Variants in TAFA1 observed in about 807,000 individuals in gnomAD.
TAFA1 encodes TAFA chemokine like family member 1.
TAFA1 carries 4 observed loss-of-function variants against 18.5 expected under a neutral mutation model. The ratio of observed to expected loss-of-function variants is 0.22; its 90% CI spans 0.11 to 0.49. The LOEUF (loss-of-function observed/expected upper bound fraction) is 0.49. Among genes scored for constraint, TAFA1 ranks in the 20% least tolerant of loss-of-function variants. TAFA1 has a pLI of 0.98. For synonymous variants in TAFA1, 56 were observed against 55.2 expected, an observed-to-expected ratio of 1.01 and a Z score of -0.06; for missense variants, 147 against 169.0, an observed-to-expected ratio of 0.87 and a Z score of 0.72.
chr3:68,033,767 A>G (rs569812828), intron 2 of TAFA1, among the ~76,000 whole-genome samples: 61 of 152,326 alleles, frequency 4.0e-4, no homozygotes, highest in South Asian at 2.7e-3. Context: ...CCATCAAAAA[A>G]TCCTTATTAG....
chr3:68,457,945 G>C (rs992002904), intron 3 of TAFA1, among the ~76,000 whole-genome samples: 1 of 152,090 alleles, frequency 6.6e-6, no homozygotes, highest in Non-Finnish European at 1.5e-5. Context: ...GAAATACTTT[G>C]AAATAGTTTA....
At chr3:68,355,280 G>T (rs1195558878) in intron 2 of TAFA1, among the ~76,000 whole-genome samples, 1 of 151,856 alleles carries the variant, frequency 6.6e-6, no homozygotes, top group Admixed American at 6.6e-5. Context: ...GTCTGGGCTT[G>T]GGAAGCCAGG....
At chr3:68,199,098 G>C (rs1212749689) in intron 2 of TAFA1, among the ~76,000 whole-genome samples, 1 of 151,498 alleles carries the variant, frequency 6.6e-6, no homozygotes, top group Non-Finnish European at 1.5e-5. Context: ...TAAATGTCCA[G>C]TTGTTTCAAT....
At chr3:68,283,406 G>A (rs937852220) in intron 2 of TAFA1, among the ~76,000 whole-genome samples, 1 of 152,074 alleles carries the variant, frequency 6.6e-6, no homozygotes, top group Non-Finnish European at 1.5e-5. Context: ...CCTAGTTTGA[G>A]GGCAATTAAA....
At chr3:68,416,749 C>G (rs17047654) in intron 2 of TAFA1, among the ~76,000 whole-genome samples, 11,307 of 152,224 alleles carry the variant, frequency 0.074, 952 homozygotes, top group African/African-American at 0.2. Flanking sequence ...GCAATTCTTT[C>G]TTTCATTTGC....
chr3:68,127,359 C>A (rs552776265), intron 2 of TAFA1, among the ~76,000 whole-genome samples: 1 of 152,272 alleles, frequency 6.6e-6, no homozygotes, highest in East Asian at 1.9e-4. Context: ...CTAAAGTGAA[C>A]AGCACTAATG....
chr3:68,002,788 G>A (rs113890325), upstream of TAFA1, among the ~76,000 whole-genome samples: 10 of 152,114 alleles, frequency 6.6e-5, no homozygotes, highest in African/African-American at 2.2e-4. Flanking sequence ...CCTTGTGCAC[G>A]TTCTTTAATC....
At chr3:68,241,357 G>T (rs910635970) in intron 2 of TAFA1, among the ~76,000 whole-genome samples, 2 of 152,076 alleles carry the variant, frequency 1.3e-5, no homozygotes, top group East Asian at 3.8e-4. Context: ...CCTGAGATTA[G>T]CCCAATTACC....
chr3:68,033,568 T>C (rs1704981971), intron 2 of TAFA1, among the ~76,000 whole-genome samples: 1 of 152,234 alleles, frequency 6.6e-6, no homozygotes, highest in Non-Finnish European at 1.5e-5. Flanking sequence ...GAGAGCATTG[T>C]ACTTTTATAT....
chr3:68,496,334 T>A (rs1849228), intron 3 of TAFA1, among the ~76,000 whole-genome samples: 30,904 of 152,066 alleles, frequency 0.2, 3,274 homozygotes, highest in Middle Eastern at 0.24. Flanking sequence ...CAATAAAATG[T>A]TAGAGAAGTC....
At chr3:68,143,914 C>A (rs2065702248) in intron 2 of TAFA1, among the ~76,000 whole-genome samples, 1 of 152,102 alleles carries the variant, frequency 6.6e-6, no homozygotes, top group Non-Finnish European at 1.5e-5. Context: ...CCCGTGGACC[C>A]TCATGACTGT....
chr3:68,188,299 C>T, intron 2 of TAFA1, among the ~76,000 whole-genome samples: 1 of 151,782 alleles, frequency 6.6e-6, no homozygotes, highest in South Asian at 2.1e-4. Context: ...TCCACCACAT[C>T]ACTTGCTAAG....
chr3:67,999,679 A>G (rs1328525256), upstream of TAFA1, among the ~76,000 whole-genome samples: 1 of 152,116 alleles, frequency 6.6e-6, no homozygotes, highest in African/African-American at 2.4e-5. Context: ...AAAAATTCCA[A>G]CACAAATTTA....
At position 68,389,589 on chromosome 3, in the gene TAFA1, C is replaced by G. The variant is rs187098033; in HGVS notation, c.119-27691C>G. ...CCCGGGCAAGATGGCCAAATAGGAA[C>G]AGCTCCGGTCTGCAGTTCCCAGCAA... On this transcript the variant is annotated intron_variant, in intron 2 of 4. Coordinates refer to ENST00000478136, the MANE Select transcript of TAFA1 (RefSeq NM_213609.4). Among the ~76,000 whole-genome samples, 384 of 152,214 alleles carry G rather than the reference C, an allele frequency of 2.5e-3. 2 individuals are homozygous for G. Among genetic ancestry groups the G allele is most frequent in the Non-Finnish European group, 4.6e-3 (312 of 68,000 alleles).
chr3:68,100,185 G>T (rs2065132197), intron 2 of TAFA1, among the ~76,000 whole-genome samples: 1 of 152,034 alleles, frequency 6.6e-6, no homozygotes, highest in South Asian at 2.1e-4. Context: ...AAACCCAAAA[G>T]CTATAAACAT....
intron 2 of TAFA1, among the ~76,000 whole-genome samples, chr3:68,252,853 A>G (rs2067223576): frequency 6.6e-6 from 1 of 152,154 alleles, no homozygotes; most frequent in African/African-American, 2.4e-5. Flanking sequence ...AGTTGCAGGT[A>G]ATTGAATCAT....
chr3:68,004,877 G>A (rs558757510), intron 1 of TAFA1, among the ~76,000 whole-genome samples, 175 bp downstream of exon 1: 1 of 152,236 alleles, frequency 6.6e-6, no homozygotes, highest in Admixed American at 6.5e-5. Flanking sequence ...AGGCTTGGAA[G>A]TAATGCTGAG....
At chr3:68,523,064 G>A (rs186909932) in intron 3 of TAFA1, among the ~76,000 whole-genome samples, 372 of 133,030 alleles carry the variant, frequency 2.8e-3, no homozygotes, top group Middle Eastern at 7.8e-3. Context: ...CAGCAAGAGC[G>A]AGACTCCGTC....
chr3:68,321,389 A>G (rs1478097098), intron 2 of TAFA1, among the ~76,000 whole-genome samples: 2 of 152,188 alleles, frequency 1.3e-5, no homozygotes, highest in African/African-American at 4.8e-5. Flanking sequence ...TAGTATGGCC[A>G]TCTCCTCTGG....
Sources: gnomAD v4.1 joint callset for allele counts (sites outside exome capture counted in the v4.1 genomes callset) on GRCh38, gnomAD v4.1.1 for gene constraint, MANE v1.5 for transcripts, NCBI Gene and HGNC (gene_info 2026-07-23, HGNC 2026-07-21) for gene names.